The following HMX1 variants were observed in gnomAD, a reference collection of about 807,000 sequenced individuals.
HMX1 encodes the protein H6 family homeobox 1.
A neutral mutation model predicts 8.9 loss-of-function variants in HMX1; 8 were observed. The ratio of observed to expected loss-of-function variants is 0.90; its 90% CI spans 0.53 to 1.63. The LOEUF (loss-of-function observed/expected upper bound fraction) is 1.63, where lower values mean the gene tolerates loss of function less well. Ranked by LOEUF, HMX1 falls within the 40% of genes most tolerant of loss-of-function variation. HMX1 has a pLI of 0.00. For missense variants in HMX1, 621 were observed against 558.5 expected, an observed-to-expected ratio of 1.11 and a Z score of -1.13; for synonymous variants, 311 against 283.4, an observed-to-expected ratio of 1.10 and a Z score of -0.98.
chr4:8,862,022 A>G (rs917820428), intron 1 of HMX1, among the ~76,000 whole-genome samples: 1 of 152,188 alleles, frequency 6.6e-6, no homozygotes, highest in African/African-American at 2.4e-5. Context: ...GTCCTCCCTG[A>G]TATGTCCTCG....
Position 8,868,287 on chromosome 4 carries a change from C to A in HMX1, c.453G>T (p.Trp151Cys). Reference protein sequence around the residue: ...GEEMGRAEGAWPRGPGPGAVQ... With the variant: ...GEEMGRAEGACPRGPGPGAVQ... ...CCGCTCCCGGCCCGGGGCCTCGCGG[C>A]CAGGCGCCCTCCGCACGGCCCATCT... Residue 151 changes from tryptophan (W) to cysteine (C), a missense_variant, in exon 2 of 2, where the codon TGG (tryptophan) becomes TGT (cysteine). By Grantham distance (215) the Trp-to-Cys change is radical. Transcript: ENST00000400677. The surrounding 1 kb of genome is among the most constrained non-coding windows in gnomAD (Gnocchi z 4.6). 6.9e-7 allele frequency: 1 copy of A among 1,442,142 alleles called. No individual in the cohort carries two copies. The highest frequency in any genetic ancestry group is 9.1e-7 in the Non-Finnish European group (1 of 1,103,664). The allele number at this position is 1,442,142 out of a possible 1,614,324, so 89.3% of individuals were successfully genotyped here.
chr4:8,871,086 A>T lies in HMX1; in HGVS notation c.394+135T>A. 2 of 1,017,618 alleles carry T rather than the reference A, an allele frequency of 2.0e-6. No individual in the cohort carries two copies. The highest frequency in any genetic ancestry group is 2.5e-6 in the Non-Finnish European group (2 of 793,698). The allele number at this position is 1,017,618 out of a possible 1,614,324, so 63.0% of individuals were successfully genotyped here. Reference sequence around the variant, plus strand: ...ACCAGGGGCTCCTGGGGGCCCCACAAGGCCCAGACGCCGTTCCACAGAAGG... The same window carrying T: ...ACCAGGGGCTCCTGGGGGCCCCACATGGCCCAGACGCCGTTCCACAGAAGG... On this transcript the variant is annotated intron_variant, in intron 1 of 1. Transcript: ENST00000400677. The surrounding 1 kb of genome is among the most constrained non-coding windows in gnomAD (Gnocchi z 4.8).
chr4:8,859,552 G>A (rs1050950432), intron 1 of HMX1, among the ~76,000 whole-genome samples: 2 of 152,162 alleles, frequency 1.3e-5, no homozygotes, highest in African/African-American at 2.4e-5. Flanking sequence ...GAGGATTGAG[G>A]AAGTGGGGAG....
chr4:8,855,194 C>G (rs940912156), intron 1 of HMX1, among the ~76,000 whole-genome samples: 1 of 152,244 alleles, frequency 6.6e-6, no homozygotes, highest in Admixed American at 6.5e-5. Flanking sequence ...GGAAGACCCA[C>G]GCTGTTAGAT....
At chr4:8,859,026 G>A (rs983790299) in intron 1 of HMX1, 7 of 152,404 alleles carry the variant, frequency 4.6e-5, no homozygotes, top group Non-Finnish European at 7.3e-5. Context: ...GCAGAGTGGG[G>A]AGGAAGGAGG....
rs139777605 is a variant in HMX1 at position 8,851,364 on chromosome 4, A to G, written c.395-5040T>C. Among the ~76,000 whole-genome samples, 97 of 152,250 alleles carry G rather than the reference A, an allele frequency of 6.4e-4. 2 individuals are homozygous for G. In the East Asian group the frequency reaches 0.018, roughly 28 times the overall value. On this transcript the variant is annotated intron_variant, in intron 1 of 1. Transcript: ENST00000506970. ...AGACCCAGGCCCTCGACAGGACAGG[A>G]TGCAGAGGTGGGCATTCTCACAGCT...
At position 8,868,539 on chromosome 4, in the gene HMX1, C is replaced by G. The variant is rs1304130899; in HGVS notation, c.395-194G>C. ...CGTGGGAGGCGGCCCAGAGACCAGG[C>G]AGCAGCTCCAAACCAACACCCCGCA... On this transcript the variant is annotated intron_variant, in intron 1 of 1. Transcript: ENST00000400677. The surrounding 1 kb of genome is among the most constrained non-coding windows in gnomAD (Gnocchi z 4.6). Among the ~76,000 whole-genome samples, 2 of 152,186 alleles carry G rather than the reference C, an allele frequency of 1.3e-5. No individual in the cohort carries two copies. Among genetic ancestry groups the G allele is most frequent in the Non-Finnish European group, 2.9e-5 (2 of 68,032 alleles).
chr4:8,857,372 C>T (rs1721640949), intron 1 of HMX1, among the ~76,000 whole-genome samples: 1 of 152,276 alleles, frequency 6.6e-6, no homozygotes, highest in East Asian at 1.9e-4. Context: ...GCCCGTGGGG[C>T]CCCCTCCCCA....
downstream of HMX1, among the ~76,000 whole-genome samples, chr4:8,864,588 C>T (rs1238760945): frequency 6.6e-6 from 1 of 152,228 alleles, no homozygotes; most frequent in Non-Finnish European, 1.5e-5. Context: ...TGCTTGCCCC[C>T]AGCCTGGTCC....
chr4:8,860,894 G>A (rs963012299), intron 1 of HMX1: 4 of 152,076 alleles, frequency 2.6e-5, no homozygotes, highest in African/African-American at 9.7e-5. Context: ...GAGAACTGAG[G>A]GGCGAGGCTG....
chr4:8,852,780 A>G lies in HMX1; in HGVS notation c.395-6456T>C, dbSNP rs548587100. Among the ~76,000 whole-genome samples the G allele has an allele frequency of 2.6e-5, 4 of 152,326 alleles. 1 individual carries two copies. In the South Asian group the frequency reaches 6.2e-4, roughly 24 times the overall value. On this transcript the variant is annotated intron_variant, in intron 1 of 1. Coordinates refer to the HMX1 transcript ENST00000506970. ...AAATACTGTCCCCTCTGCTTTAGCA[A>G]CAAAACTCTTTGAAGATAGGGGTAG...
At chr4:8,862,935 C>T (rs1208997030), downstream of HMX1, among the ~76,000 whole-genome samples, 1 of 152,142 alleles carries the variant, frequency 6.6e-6, no homozygotes, top group African/African-American at 2.4e-5. Context: ...TCCGGCCCAC[C>T]TATGAAGGGG....
Position 8,871,730 on chromosome 4 carries a change from GCGT to G in HMX1, c.-119_-117del, listed in dbSNP as rs1357243312. On this transcript the variant is annotated 5_prime_UTR_variant, in exon 1 of 2. Coordinates refer to ENST00000400677, the MANE Select transcript of HMX1 (RefSeq NM_018942.3). This position sits in a 1 kb window ranked among gnomAD's most constrained non-coding sequence, Gnocchi z 4.8. Reference sequence around the variant, plus strand: ...CCTGGAGCTGCTACCCGGACCGCTGGCGTCGGGCCCCGCAGGGCAGGCGGCGGC... The same window carrying G: ...CCTGGAGCTGCTACCCGGACCGCTGGCGGGCCCCGCAGGGCAGGCGGCGGC... The G allele has an allele frequency of 9.6e-7, 1 of 1,042,604 alleles. No homozygotes were observed. The allele number at this position is 1,042,604 out of a possible 1,614,324, so 64.6% of individuals were successfully genotyped here. A position where few individuals can be genotyped will look rare whatever the true frequency, so the allele number is the denominator to read the frequency against.
At chr4:8,851,461 T>G (rs979919335) in intron 1 of HMX1, among the ~76,000 whole-genome samples, 1 of 152,122 alleles carries the variant, frequency 6.6e-6, no homozygotes, top group Non-Finnish European at 1.5e-5. Context: ...GCCAGCACAT[T>G]ACTCCTAGGA....
intron 1 of HMX1, among the ~76,000 whole-genome samples, chr4:8,857,565 G>A (rs974287204): frequency 2.6e-5 from 4 of 152,110 alleles, no homozygotes; most frequent in African/African-American, 9.7e-5. Context: ...CCCTGGCCTC[G>A]GCCTCCGCAC....
chr4:8,871,632 C>A lies in HMX1; in HGVS notation c.-18G>T. ...TCAGGCATCGCGGCCGCGGGCTTCT[C>A]GGGCTCGGCCGGGCTCCTCGGTCCC... On this transcript the variant is annotated 5_prime_UTR_variant, in exon 1 of 2. Coordinates refer to ENST00000400677, the MANE Select transcript of HMX1 (RefSeq NM_018942.3). The surrounding 1 kb of genome is among the most constrained non-coding windows in gnomAD (Gnocchi z 4.8). 2 of 1,237,334 alleles carry A rather than the reference C, an allele frequency of 1.6e-6. No individual in the cohort carries two copies. Among genetic ancestry groups the A allele is most frequent in the Non-Finnish European group, 2.0e-6 (2 of 991,454 alleles). The allele number at this position is 1,237,334 out of a possible 1,614,324, so 76.6% of individuals were successfully genotyped here. A position where few individuals can be genotyped will look rare whatever the true frequency, so the allele number is the denominator to read the frequency against.
chr4:8,863,110 G>A (rs541797698), downstream of HMX1, among the ~76,000 whole-genome samples: 1 of 152,348 alleles, frequency 6.6e-6, no homozygotes, highest in Non-Finnish European at 1.5e-5. Flanking sequence ...CTACCAGAAG[G>A]GCAGGGTGGC....
At chr4:8,851,696 G>C (rs538451440) in intron 1 of HMX1, among the ~76,000 whole-genome samples, 3 of 152,246 alleles carry the variant, frequency 2.0e-5, no homozygotes, top group African/African-American at 4.8e-5. Context: ...GGGCCTGTGG[G>C]CCAGTCACTG....
intron 1 of HMX1, chr4:8,858,920 G>A (rs1721703576): frequency 6.6e-6 from 1 of 152,348 alleles, no homozygotes; most frequent in South Asian, 2.1e-4. Flanking sequence ...CGGTGGTGGT[G>A]GTGGTGGGGG....
Sources: allele counts gnomAD v4.1 joint callset (sites outside exome capture counted in the v4.1 genomes callset), GRCh38; gene constraint gnomAD v4.1.1; non-coding constraint Gnocchi (gnomAD v3.1); transcripts MANE v1.5; gene names NCBI Gene and HGNC (gene_info 2026-07-23, HGNC 2026-07-21).